Variants in PATZ1 observed in about 807,000 individuals in gnomAD.
The protein encoded by PATZ1 is POZ/BTB and AT hook containing zinc finger 1.
Under a neutral mutation model 46.2 loss-of-function variants are expected in PATZ1, and 9 were observed. The observed-to-expected ratio is 0.19, with a 90% confidence interval of 0.12 to 0.34. The LOEUF is 0.34. Among genes scored for constraint, PATZ1 ranks in the 10% least tolerant of loss-of-function variants. The pLI, the probability that PATZ1 is intolerant of heterozygous loss-of-function variation, is 1.00. For missense variants in PATZ1, 632 were observed against 923.0 expected (o/e 0.68, Z 4.08); for synonymous variants, 426 against 378.6 (o/e 1.13, Z -1.45).
rs148653049 is a variant in PATZ1, at chr22:31,333,937, C to G, written c.1507+1755G>C. Among the ~76,000 whole-genome samples the G allele has an allele frequency of 3.8e-3, 577 of 152,312 alleles. 2 individuals carry two copies. The highest frequency in any genetic ancestry group is 5.2e-3 in the Non-Finnish European group (355 of 68,030). ...CTGAGCTGGGCTTCAAGGGCTGTAG[C>G]CCTGGGTCTCCTGTCCAGTTTCTGC... On this transcript the variant is annotated intron_variant, in intron 3 of 4. Coordinates refer to ENST00000266269, the MANE Select transcript of PATZ1 (RefSeq NM_014323.3).
chr22:31,329,604 C>T (rs533876905), intron 3 of PATZ1, among the ~76,000 whole-genome samples: 44 of 152,252 alleles, frequency 2.9e-4, no homozygotes, highest in African/African-American at 9.9e-4. Flanking sequence ...TGTTTTGGTT[C>T]GATTTTGGAG....
At position 31,345,564 on chromosome 22, in the gene PATZ1, G is replaced by A. The variant is rs1351769278; in HGVS notation, c.39C>T (p.Gly13=). ...GTCTGCTCACCTGGTATGTGTAGCA[G>A]CCAGACGGGCCGCACGAAGCGTCGT... is the stretch of plus-strand genomic sequence containing the variant. The part of the protein sequence containing the change: ...RVNDASCGPS[G]CYTYQVSRHS... Residue 13 remains glycine (G), a synonymous_variant, in exon 1 of 5, where the codon GGC becomes GGT. Transcript: ENST00000266269. This position sits in a 1 kb window ranked among gnomAD's most constrained non-coding sequence, Gnocchi z 7.4. The A allele has an allele frequency of 2.5e-6, 4 of 1,601,860 alleles. No individual in the cohort carries two copies. Among genetic ancestry groups the A allele is most frequent in the South Asian group, 1.1e-5 (1 of 90,740 alleles).
At chr22:31,337,896 A>G (rs1221898059) in intron 2 of PATZ1, 1 of 152,204 alleles carries the variant, frequency 6.6e-6, no homozygotes, top group Non-Finnish European at 1.5e-5. Context: ...AAACGCATGC[A>G]ATGCTGTCAA....
chr22:31,341,163 G>C, intron 2 of PATZ1: 6 of 1,217,976 alleles, frequency 4.9e-6, no homozygotes, highest in Non-Finnish European at 6.1e-6. Context: ...TGCCATCTGT[G>C]AAAGGGGGGA....
intron 3 of PATZ1, among the ~76,000 whole-genome samples, chr22:31,331,405 T>C (rs1213403177): frequency 6.6e-6 from 1 of 150,644 alleles, no homozygotes; most frequent in African/African-American, 2.5e-5. Context: ...AGTGGCACCA[T>C]CTCGGCTCAC....
In PATZ1 at chr22:31,342,846, G is replaced by A. The variant is rs368787013; in HGVS notation, c.1335+51C>T. ...GCGGCTGGCTCAAGGCTGCGACCGTGAGAACAGCATCATCTCCTTCAGCCC... is the reference window on the plus strand; with the variant it reads ...GCGGCTGGCTCAAGGCTGCGACCGTAAGAACAGCATCATCTCCTTCAGCCC... On this transcript the variant is annotated intron_variant, in intron 2 of 4. Coordinates refer to ENST00000266269, the MANE Select transcript of PATZ1 (RefSeq NM_014323.3). The A allele has an allele frequency of 2.5e-4, 398 of 1,601,060 alleles. 1 individual carries two copies. In the African/African-American group the frequency reaches 3.8e-3, roughly 15 times the overall value.
chr22:31,340,022 G>A (rs1569027385), intron 2 of PATZ1, among the ~76,000 whole-genome samples: 1 of 152,182 alleles, frequency 6.6e-6, no homozygotes, highest in Non-Finnish European at 1.5e-5. Flanking sequence ...CCATCTCAAC[G>A]CATTCCTTCT....
intron 2 of PATZ1, among the ~76,000 whole-genome samples, chr22:31,338,638 T>C (rs1228753460): frequency 2.0e-5 from 3 of 152,168 alleles, no homozygotes; most frequent in Non-Finnish European, 2.9e-5. Flanking sequence ...GTTGATTTAT[T>C]TGGGGACAAG....
rs779781336 is a variant in PATZ1 at position 31,326,913 on chromosome 22, G to A, written c.2042C>T (p.Pro681Leu). 7 of 1,613,586 alleles carry A rather than the reference G, an allele frequency of 4.3e-6. No homozygotes were observed. The East Asian group carries it at 1.6e-4, about 36-fold the overall frequency. The part of the protein sequence containing the change: ...SLVDPEVDQQ[P>L]MGPEGK ...GCCTCATTTCCCTTCAGGCCCCATG[G>A]GCTGCTGGTCAACCTCAGGATCTAC... is the stretch of plus-strand genomic sequence containing the variant. Residue 681 changes from proline (P) to leucine (L), a missense_variant, in exon 5 of 5, where the codon CCC (proline) becomes CTC (leucine). By Grantham distance (98) the Pro-to-Leu change is moderately conservative. Around this residue, in one of 7 missense-constraint regions of PATZ1, gnomAD observed 176 missense variants for 249.4 expected, o/e 0.71. Transcript: ENST00000266269.
rs2049397198 is a variant in PATZ1 at position 31,328,658 on chromosome 22, A to G, written c.1645+129T>C. 1.3e-6 allele frequency: 1 copy of G among 790,074 alleles called. No homozygotes were observed. Among genetic ancestry groups the G allele is most frequent in the Non-Finnish European group, 2.1e-6 (1 of 465,836 alleles). 48.9% of individuals were successfully genotyped at this position (790,074 alleles called of 1,614,324 possible). A position where few individuals can be genotyped will look rare whatever the true frequency, so the allele number is the denominator to read the frequency against. ...GACTTTTGTCCTGGAGGCCACTGCC[A>G]CTCAGATCTCTGAGTCTCCTCAAGG... On this transcript the variant is annotated intron_variant, in intron 4 of 4. Coordinates refer to ENST00000266269, the MANE Select transcript of PATZ1 (RefSeq NM_014323.3). The surrounding 1 kb of genome is among the most constrained non-coding windows in gnomAD (Gnocchi z 4.8).
chr22:31,340,768 G>T, intron 2 of PATZ1: 1 of 1,055,484 alleles, frequency 9.5e-7, no homozygotes, highest in Non-Finnish European at 1.1e-6. Flanking sequence ...CGAGGGAGGG[G>T]GTCTACATCT....
At chr22:31,341,462 C>T (rs200383806) in intron 2 of PATZ1, 1 of 1,607,634 alleles carries the variant, frequency 6.2e-7, no homozygotes. Context: ...TCCAGCCCTG[C>T]CTCAGATATC....
chr22:31,344,075 T>C (rs1446975204), intron 1 of PATZ1, among the ~76,000 whole-genome samples: 1 of 152,176 alleles, frequency 6.6e-6, no homozygotes, highest in African/African-American at 2.4e-5. Flanking sequence ...CCGGTGGCTC[T>C]GGCCTGAGGA....
rs546626010 is a variant in PATZ1, at chr22:31,344,314, G to A, written c.1271+18C>T. On this transcript the variant is annotated intron_variant, in intron 1 of 4. Coordinates refer to ENST00000266269, the MANE Select transcript of PATZ1 (RefSeq NM_014323.3). ...AAGATAACGTGTGGCAGGGGAGGAAGAGGGGGCCTTTCCTCACCTGGAGAA... is the reference window on the plus strand; with the variant it reads ...AAGATAACGTGTGGCAGGGGAGGAAAAGGGGGCCTTTCCTCACCTGGAGAA... The A allele has an allele frequency of 3.2e-6, 5 of 1,573,336 alleles. No individual in the cohort carries two copies. The highest frequency in any genetic ancestry group is 4.5e-5 in the East Asian group (2 of 44,594).
chr22:31,343,188 C>T, intron 1 of PATZ1: 1 of 1,288,548 alleles, frequency 7.8e-7, no homozygotes, highest in Non-Finnish European at 9.9e-7. Flanking sequence ...GGGCATTTGT[C>T]TCTGATTTTG....
chr22:31,344,705 C>T lies in PATZ1; in HGVS notation c.898G>A (p.Val300Met). Reference protein sequence around the residue: ...GILPCGLCGKVFTDANRLRQH... With the variant: ...GILPCGLCGKMFTDANRLRQH... ...CGGAGCCGGTTGGCATCAGTGAACACCTTACCACATAGACCGCATGGAAGG... is the reference window on the plus strand; with the variant it reads ...CGGAGCCGGTTGGCATCAGTGAACATCTTACCACATAGACCGCATGGAAGG... Residue 300 changes from valine to methionine, a missense_variant, in exon 1 of 5, where the codon GTG becomes ATG. Around this residue, in one of 7 missense-constraint regions of PATZ1, gnomAD observed 279 missense variants for 284.3 expected, o/e 0.98. Coordinates refer to ENST00000266269, the MANE Select transcript of PATZ1 (RefSeq NM_014323.3). 2 of 1,613,578 alleles carry T rather than the reference C, an allele frequency of 1.2e-6. No individual in the cohort carries two copies. The highest frequency in any genetic ancestry group is 1.7e-6 in the Non-Finnish European group (2 of 1,179,816).
rs1394685353 is a variant in PATZ1 at position 31,327,212 on chromosome 22, A to G, written c.1743T>C (p.Ser581=). The change falls in exon 5 of 5, where the codon AGT becomes AGC. Residue 581 remains serine (S), a synonymous_variant. Transcript: ENST00000266269. The surrounding 1 kb of genome is among the most constrained non-coding windows in gnomAD (Gnocchi z 4.2). ...TGTCGCAGGAGAAAGAGCCATTGGC[A>G]CTCTGCTTCTCTGGCGTCTTCAGGT... ...ASDLKTPEKQ[S]ANGSFSCDMA... 3 of 1,614,130 alleles carry G rather than the reference A, an allele frequency of 1.9e-6. No homozygotes were observed. Among genetic ancestry groups the G allele is most frequent in the Non-Finnish European group, 2.5e-6 (3 of 1,180,002 alleles).
At chr22:31,332,130 A>G (rs2049451780) in intron 3 of PATZ1, among the ~76,000 whole-genome samples, 1 of 152,124 alleles carries the variant, frequency 6.6e-6, no homozygotes, top group Admixed American at 6.6e-5. Flanking sequence ...CCTGAAAAAC[A>G]GTCTTAGAAA....
At position 31,327,343 on chromosome 22, in the gene PATZ1, G is replaced by C; in HGVS notation, c.1646-34C>G. 1 of 1,573,830 alleles carries C rather than the reference G, an allele frequency of 6.4e-7. No homozygotes were observed. The highest frequency in any genetic ancestry group is 1.3e-5 in the African/African-American group (1 of 74,086). On this transcript the variant is annotated intron_variant, in intron 4 of 4. Transcript: ENST00000266269. This position sits in a 1 kb window ranked among gnomAD's most constrained non-coding sequence, Gnocchi z 4.2. ...AAACAAAATATAGGAGAGCGATGAG[G>C]CCAGGCTCTGGAGATGCCCCCTCCT...
Sources: gnomAD v4.1 joint callset for allele counts (sites outside exome capture counted in the v4.1 genomes callset) on GRCh38, gnomAD v4.1.1 for gene constraint, gnomAD v4.1.1 regional missense constraint, Gnocchi (gnomAD v3.1) non-coding constraint, MANE v1.5 for transcripts, NCBI Gene and HGNC (gene_info 2026-07-23, HGNC 2026-07-21) for gene names.